The following GNAO1 variants were observed in gnomAD, a reference collection of about 807,000 sequenced individuals.
GNAO1 encodes G protein subunit alpha o1, also known as guanine nucleotide-binding protein G(o) subunit alpha.
For missense variants in GNAO1, 166 were observed against 478.7 expected (o/e 0.35, Z 6.10); for synonymous variants, 164 against 180.7 (o/e 0.91, Z 0.74).
chr16:56,288,934 A>C (rs1596844348), intron 3 of GNAO1, among the ~76,000 whole-genome samples: 1 of 148,308 alleles, frequency 6.7e-6, no homozygotes, highest in African/African-American at 2.5e-5. Context: ...CCCCTCCCCC[A>C]CCCTACCTCC....
chr16:56,285,418 C>T (rs1384975390), intron 3 of GNAO1, among the ~76,000 whole-genome samples: 1 of 152,192 alleles, frequency 6.6e-6, no homozygotes, highest in Admixed American at 6.5e-5. Flanking sequence ...ACCAAACCCC[C>T]ACCTGGCAGC....
chr16:56,253,448 T>C (rs1424260960), intron 2 of GNAO1, among the ~76,000 whole-genome samples: 1 of 152,236 alleles, frequency 6.6e-6, no homozygotes, highest in East Asian at 1.9e-4. Context: ...TTCTTCTTAA[T>C]TGGGCAAGTG....
intron 2 of GNAO1, chr16:56,194,376 G>T (rs909695268): frequency 1.2e-5 from 5 of 420,246 alleles, no homozygotes. Context: ...TTTCTCCCGA[G>T]GGGGGACGTT....
chr16:56,301,845 T>G (rs1353234398), intron 3 of GNAO1: 1 of 152,150 alleles, frequency 6.6e-6, no homozygotes, highest in African/African-American at 2.4e-5. Flanking sequence ...ACTAACTTGT[T>G]TAGAACTCAG....
At chr16:56,329,679 A>G (rs2037670145) in intron 4 of GNAO1, among the ~76,000 whole-genome samples, 1 of 152,206 alleles carries the variant, frequency 6.6e-6, no homozygotes, top group Non-Finnish European at 1.5e-5. Flanking sequence ...TCTGGTACCC[A>G]TACATTCAGT....
intron 3 of GNAO1, among the ~76,000 whole-genome samples, chr16:56,296,627 A>G (rs1388593783): frequency 3.9e-5 from 6 of 152,154 alleles, no homozygotes; most frequent in Admixed American, 3.9e-4. Flanking sequence ...CCAGCTGGTC[A>G]CCCTCACCCT....
rs557430348 is a variant in GNAO1, at chr16:56,354,807, C to G, written c.878-59C>G. 1.9e-6 allele frequency: 2 copies of G among 1,061,610 alleles called. No individual in the cohort carries two copies. The highest frequency in any genetic ancestry group is 1.4e-5 in the South Asian group (1 of 73,724). The allele number at this position is 1,061,610 out of a possible 1,614,324, so 65.8% of individuals were successfully genotyped here. On this transcript the variant is annotated intron_variant, in intron 7 of 8. Transcript: ENST00000262493. The surrounding 1 kb of genome is among the most constrained non-coding windows in gnomAD (Gnocchi z 4.3). ...CCACTTCTTGTCTTCATGTCCCCAGCCCTGTCCACCCACAGCGCTCATCAG... is the reference window on the plus strand; with the variant it reads ...CCACTTCTTGTCTTCATGTCCCCAGGCCTGTCCACCCACAGCGCTCATCAG...
At chr16:56,210,321 A>G (rs1222339094) in intron 2 of GNAO1, among the ~76,000 whole-genome samples, 1 of 152,226 alleles carries the variant, frequency 6.6e-6, no homozygotes, top group African/African-American at 2.4e-5. Flanking sequence ...CCTACTGGAG[A>G]ACATCTTGGT....
In GNAO1 at chr16:56,351,533, C is replaced by T; in HGVS notation, c.873C>T (p.Tyr291=). ...CTTTGACCATCTGCTTTCCTGAATACACAGGTGGGTGCCAGGCAGTCCTGT... is the reference window on the plus strand; with the variant it reads ...CTTTGACCATCTGCTTTCCTGAATATACAGGTGGGTGCCAGGCAGTCCTGT... The part of the protein sequence containing the change: ...KSPLTICFPE[Y]TGPNTYEDAA... Residue 291 remains tyrosine (Y), a synonymous_variant, in exon 7 of 9, where the codon TAC becomes TAT. Coordinates refer to ENST00000262493, the MANE Select transcript of GNAO1 (RefSeq NM_020988.3). The surrounding 1 kb of genome is among the most constrained non-coding windows in gnomAD (Gnocchi z 6.1). 1.9e-6 allele frequency: 3 copies of T among 1,611,596 alleles called. No homozygotes were observed. The highest frequency in any genetic ancestry group is 2.5e-6 in the Non-Finnish European group (3 of 1,179,058).
chr16:56,208,762 A>G (rs2036356490), intron 2 of GNAO1, among the ~76,000 whole-genome samples: 1 of 152,148 alleles, frequency 6.6e-6, no homozygotes, highest in South Asian at 2.1e-4. Context: ...TATTTATTGG[A>G]CATTTGGATT....
At chr16:56,309,737 A>C (rs765526307) in intron 3 of GNAO1, among the ~76,000 whole-genome samples, 5 of 152,252 alleles carry the variant, frequency 3.3e-5, no homozygotes, top group Non-Finnish European at 7.3e-5. Context: ...ACCCGGACCC[A>C]CTGCTCCTGT....
At chr16:56,252,846 G>T (rs1015630991) in intron 2 of GNAO1, among the ~76,000 whole-genome samples, 12 of 152,126 alleles carry the variant, frequency 7.9e-5, no homozygotes, top group Non-Finnish European at 1.6e-4. Context: ...ATGCCCTGTT[G>T]CCCTTGAGTG....
chr16:56,333,489 C>T (rs2037710770), intron 4 of GNAO1, among the ~76,000 whole-genome samples: 1 of 152,202 alleles, frequency 6.6e-6, no homozygotes, highest in Non-Finnish European at 1.5e-5. Flanking sequence ...GGATTACAGG[C>T]GTGAGCCACC....
chr16:56,207,791 C>A (rs986061698), intron 2 of GNAO1, among the ~76,000 whole-genome samples: 4 of 152,176 alleles, frequency 2.6e-5, no homozygotes, highest in African/African-American at 9.7e-5. Flanking sequence ...AACATTGACA[C>A]TGTCTTTAAA....
At chr16:56,331,608 T>C (rs2037689225) in intron 4 of GNAO1, among the ~76,000 whole-genome samples, 1 of 151,956 alleles carries the variant, frequency 6.6e-6, no homozygotes. Context: ...CTTTCCAGAC[T>C]CCCTCGATGC....
At chr16:56,290,938 G>A (rs1335818711) in intron 3 of GNAO1, among the ~76,000 whole-genome samples, 1 of 152,196 alleles carries the variant, frequency 6.6e-6, no homozygotes, top group Non-Finnish European at 1.5e-5. Context: ...TTGGCATAAT[G>A]TTTTCAAGGT....
chr16:56,252,125 C>G (rs1401000758), intron 2 of GNAO1, among the ~76,000 whole-genome samples: 3 of 152,228 alleles, frequency 2.0e-5, no homozygotes, highest in Non-Finnish European at 2.9e-5. Flanking sequence ...ATCAAATGAG[C>G]TGATCAGGCC....
intron 3 of GNAO1, chr16:56,300,795 T>C (rs1402925156): frequency 1.3e-5 from 2 of 152,272 alleles, no homozygotes; most frequent in African/African-American, 4.8e-5. Context: ...GTGCCCTTGA[T>C]GGAGCTGAAG....
At position 56,288,247 on chromosome 16, in the gene GNAO1, G is replaced by A. The variant is rs565771428; in HGVS notation, c.303+12175G>A. On this transcript the variant is annotated intron_variant, in intron 3 of 8. Coordinates refer to ENST00000262493, the MANE Select transcript of GNAO1 (RefSeq NM_020988.3). ...AACTAATGCAAGCAGGTGTACTGCT[G>A]CTCAGAGCTCAGCTGGCGAGCAGGT... Among the ~76,000 whole-genome samples the A allele has an allele frequency of 3.9e-5, 6 of 152,354 alleles. No individual in the cohort carries two copies. In the South Asian group the frequency reaches 1.2e-3, roughly 32 times the overall value.
Sources: gnomAD v4.1 joint callset for allele counts (sites outside exome capture counted in the v4.1 genomes callset) on GRCh38, gnomAD v4.1.1 for gene constraint, Gnocchi (gnomAD v3.1) non-coding constraint, MANE v1.5 for transcripts, NCBI Gene and HGNC (gene_info 2026-07-23, HGNC 2026-07-21) for gene names.